The following KCNMB2 variants were observed in gnomAD, a reference collection of about 807,000 sequenced individuals.
KCNMB2 encodes the protein calcium-activated potassium channel subunit beta-2.
A neutral mutation model predicts 24.5 loss-of-function variants in KCNMB2; 9 were observed. The ratio of observed to expected loss-of-function variants is 0.37; its 90% confidence interval spans 0.22 to 0.64. The LOEUF (loss-of-function observed/expected upper bound fraction) is 0.64, where lower values mean the gene tolerates loss of function less well. Ranked by LOEUF, KCNMB2 falls within the 30% of genes least tolerant of loss-of-function variation. The pLI is 0.63. For missense variants in KCNMB2, 226 were observed against 284.3 expected (o/e 0.79, Z 1.47); for synonymous variants, 109 against 104.4 (o/e 1.04, Z -0.27).
intron 1 of KCNMB2, among the ~76,000 whole-genome samples, chr3:178,552,335 T>G (rs1282263581): frequency 6.6e-6 from 1 of 151,960 alleles, no homozygotes; most frequent in African/African-American, 2.4e-5. Context: ...TCTTAACATA[T>G]CAAATTGTTT....
intron 1 of KCNMB2, among the ~76,000 whole-genome samples, chr3:178,781,420 C>T (rs78402073): frequency 4.6e-5 from 7 of 151,060 alleles, no homozygotes; most frequent in African/African-American, 1.2e-4. Flanking sequence ...GGTGAAACCC[C>T]GTCTCTACTA....
chr3:178,793,205 T>A (rs1713394810), intron 1 of KCNMB2, among the ~76,000 whole-genome samples: 1 of 152,166 alleles, frequency 6.6e-6, no homozygotes, highest in African/African-American at 2.4e-5. Context: ...ATGGCCCTAC[T>A]CTGGGACACA....
chr3:178,549,474 C>CTTTTTT (rs1237618463), intron 1 of KCNMB2, among the ~76,000 whole-genome samples: 15 of 94,596 alleles, frequency 1.6e-4, no homozygotes, highest in South Asian at 4.1e-4. Flanking sequence ...CAATGCCCAG[C>CTTTTTT]TTTTTTTTTT....
chr3:178,733,908 A>G (rs1203332851), intron 1 of KCNMB2, among the ~76,000 whole-genome samples: 1 of 152,212 alleles, frequency 6.6e-6, no homozygotes, highest in Non-Finnish European at 1.5e-5. Context: ...TGGTAGCTGG[A>G]TTGAGGTGTT....
At chr3:178,569,034 T>C (rs1476139906) in intron 1 of KCNMB2, among the ~76,000 whole-genome samples, 1 of 152,154 alleles carries the variant, frequency 6.6e-6, no homozygotes, top group Non-Finnish European at 1.5e-5. Context: ...TTGGCTTATA[T>C]AAGTAAAAAT....
intron 1 of KCNMB2, among the ~76,000 whole-genome samples, chr3:178,568,812 TA>T (rs756767128): frequency 6.4e-4 from 31 of 48,712 alleles, no homozygotes; most frequent in African/African-American, 2.0e-3. Context: ...GATAGATAGA[TA>T]GATAATAGAT....
chr3:178,707,157 C>A (rs1453126306), intron 1 of KCNMB2, among the ~76,000 whole-genome samples: 1 of 151,982 alleles, frequency 6.6e-6, no homozygotes, highest in Non-Finnish European at 1.5e-5. Context: ...AATTTCAGGG[C>A]CTCTGGTATA....
rs79914044 is a variant in KCNMB2, at chr3:178,593,249, G to A, written c.-68+56538G>A. Reference sequence around the variant, plus strand: ...AAATATTTATGTATATATTTATGACGTGTAAAATGGAAAATGATACCAGAA... The same window carrying A: ...AAATATTTATGTATATATTTATGACATGTAAAATGGAAAATGATACCAGAA... On this transcript the variant is annotated intron_variant, in intron 1 of 4. Coordinates refer to ENST00000452583, the MANE Select transcript of KCNMB2 (RefSeq NM_181361.3). 5.5e-3 allele frequency among the ~76,000 whole-genome samples: 840 copies of A among 152,124 alleles called. 6 individuals carry two copies. Among genetic ancestry groups the A allele is most frequent in the Admixed American group, 0.022 (337 of 15,262 alleles).
At chr3:178,825,154 T>C (rs1560036675) in intron 2 of KCNMB2, among the ~76,000 whole-genome samples, 1 of 152,250 alleles carries the variant, frequency 6.6e-6, no homozygotes, top group African/African-American at 2.4e-5. Context: ...ATTCCTAGTA[T>C]ATGTTGCCAT....
At chr3:178,738,829 T>G (rs1723400396) in intron 1 of KCNMB2, among the ~76,000 whole-genome samples, 1 of 152,138 alleles carries the variant, frequency 6.6e-6, no homozygotes, top group African/African-American at 2.4e-5. Context: ...GCATCTATAG[T>G]TTGTAATAAC....
chr3:178,685,461 A>C (rs1203700541), intron 1 of KCNMB2, among the ~76,000 whole-genome samples: 2 of 152,204 alleles, frequency 1.3e-5, no homozygotes, highest in Non-Finnish European at 2.9e-5. Context: ...TTACAACTAC[A>C]TGTTGGCCTG....
At chr3:178,687,777 C>G (rs903229737) in intron 1 of KCNMB2, among the ~76,000 whole-genome samples, 1 of 151,824 alleles carries the variant, frequency 6.6e-6, no homozygotes, top group Non-Finnish European at 1.5e-5. Context: ...TGGAAAATAC[C>G]TTCAAAAATT....
At position 178,769,058 on chromosome 3, in the gene KCNMB2, C is replaced by T. The variant is rs1046067816; in HGVS notation, c.-67-38285C>T. Among the ~76,000 whole-genome samples the T allele has an allele frequency of 1.1e-4, 17 of 152,192 alleles. 1 individual carries two copies. The highest frequency in any genetic ancestry group is 2.4e-4 in the African/African-American group (10 of 41,442). ...CTCCTCTAAGAAACACTTACATTTA[C>T]GCCATCTACTGAAAGTTCACCTGCC... On this transcript the variant is annotated intron_variant, in intron 1 of 4. Transcript: ENST00000452583.
intron 1 of KCNMB2, among the ~76,000 whole-genome samples, chr3:178,689,462 C>T (rs983878269): frequency 2.0e-5 from 3 of 151,988 alleles, no homozygotes; most frequent in Non-Finnish European, 2.9e-5. Flanking sequence ...GGTGAAATCC[C>T]GTCTCTACTA....
intron 1 of KCNMB2, among the ~76,000 whole-genome samples, chr3:178,677,784 G>A (rs984239769): frequency 6.6e-6 from 1 of 152,194 alleles, no homozygotes; most frequent in South Asian, 2.1e-4. Context: ...CCTTCAAGGG[G>A]GAGAAGGATG....
intron 1 of KCNMB2, among the ~76,000 whole-genome samples, chr3:178,664,710 G>C (rs907564650): frequency 1.2e-4 from 18 of 152,098 alleles, no homozygotes; most frequent in African/African-American, 3.9e-4. Flanking sequence ...AGAATGGGAA[G>C]AAGGAAGAAA....
intron 1 of KCNMB2, among the ~76,000 whole-genome samples, chr3:178,771,473 C>CTTTTTTTTTTT (rs66694279): frequency 6.9e-5 from 6 of 87,516 alleles, no homozygotes; most frequent in African/African-American, 1.5e-4. Context: ...TTCTTTCTTT[C>CTTTTTTTTTTT]TTTTTTTTTT....
intron 1 of KCNMB2, among the ~76,000 whole-genome samples, chr3:178,642,051 T>G (rs1017738427): frequency 6.6e-6 from 1 of 152,186 alleles, no homozygotes; most frequent in Non-Finnish European, 1.5e-5. Context: ...GTAAAATAAA[T>G]TACTGCAATC....
chr3:178,630,470 C>T (rs2108537124), intron 1 of KCNMB2, among the ~76,000 whole-genome samples: 1 of 152,358 alleles, frequency 6.6e-6, no homozygotes, highest in Middle Eastern at 3.4e-3. Context: ...CTGCCAGTCA[C>T]AGAGAGAACG....
Sources: allele counts gnomAD v4.1 joint callset (sites outside exome capture counted in the v4.1 genomes callset), GRCh38; gene constraint gnomAD v4.1.1; transcripts MANE v1.5; gene names NCBI Gene and HGNC (gene_info 2026-07-23, HGNC 2026-07-21).